The following ZNF664 variants were observed in gnomAD, a reference collection of about 807,000 sequenced individuals.
ZNF664 encodes zinc finger protein 664.
A neutral mutation model predicts 18.2 loss-of-function variants in ZNF664; 10 were observed. The observed-to-expected ratio is 0.55, with a 90% confidence interval of 0.34 to 0.93. The LOEUF (loss-of-function observed/expected upper bound fraction) is 0.93. Among genes scored for constraint, ZNF664 ranks in the 40% least tolerant of loss-of-function variants. The pLI is 0.02. For synonymous variants in ZNF664, 119 were observed against 104.2 expected, an observed-to-expected ratio of 1.14 and a Z score of -0.86; for missense variants, 193 against 319.0, an observed-to-expected ratio of 0.61 and a Z score of 3.01.
Position 124,013,166 on chromosome 12 carries a change from C to T in ZNF664, c.*236C>T, listed in dbSNP as rs369181014. The T allele has an allele frequency of 9.9e-5, 58 of 583,322 alleles. No homozygotes were observed. Among genetic ancestry groups the T allele is most frequent in the East Asian group, 3.6e-4 (11 of 30,312 alleles). 36.1% of individuals were successfully genotyped at this position (583,322 alleles called of 1,614,324 possible). A position where few individuals can be genotyped will look rare whatever the true frequency, so the allele number is the denominator to read the frequency against. On this transcript the variant is annotated 3_prime_UTR_variant, in exon 5 of 5. Coordinates refer to ENST00000337815, the MANE Select transcript of ZNF664 (RefSeq NM_152437.3). ...ATGGCTCTCAGGTCCCAGTCACAGACGTCGCTTCCTGGGATTCCAGCACGA... is the reference window on the plus strand; with the variant it reads ...ATGGCTCTCAGGTCCCAGTCACAGATGTCGCTTCCTGGGATTCCAGCACGA...
At chr12:123,989,732 T>C (rs566655567) in intron 3 of ZNF664, among the ~76,000 whole-genome samples, 92 of 152,306 alleles carry the variant, frequency 6.0e-4, no homozygotes, top group Middle Eastern at 6.8e-3. Flanking sequence ...ATAACATACA[T>C]TTTCAGAACA....
At chr12:124,004,807 G>T (rs1371467906) in intron 3 of ZNF664, 3 of 153,226 alleles carry the variant, frequency 2.0e-5, no homozygotes, top group Non-Finnish European at 4.4e-5. Context: ...TACACGCAAG[G>T]GATCTAGGTT....
chr12:123,979,696 T>C (rs1594541501), intron 2 of ZNF664, among the ~76,000 whole-genome samples: 1 of 152,210 alleles, frequency 6.6e-6, no homozygotes, highest in East Asian at 1.9e-4. Context: ...TGTTTTGTTT[T>C]GAGACAGGGT....
rs748430831 is a variant in ZNF664 at position 124,013,124 on chromosome 12, C to CT, written c.*195dup. The CT allele has an allele frequency of 5.1e-6, 4 of 788,882 alleles. No individual in the cohort carries two copies. The highest frequency in any genetic ancestry group is 1.8e-5 in the African/African-American group (1 of 56,400). 48.9% of individuals were successfully genotyped at this position (788,882 alleles called of 1,614,324 possible). A position where few individuals can be genotyped will look rare whatever the true frequency, so the allele number is the denominator to read the frequency against. ...ACAGGTTGACTTTGAATGTGGACCT[C>CT]TGAGCATCCACGCAGGATGGCTCTC... On this transcript the variant is annotated 3_prime_UTR_variant, in exon 5 of 5. Transcript: ENST00000337815.
chr12:123,973,585 C>T, intron 1 of ZNF664: 2 of 372,852 alleles, frequency 5.4e-6, no homozygotes, highest in Non-Finnish European at 7.5e-6. Context: ...CGGTCGGCCG[C>T]GGGCCCGCAG....
intron 3 of ZNF664, among the ~76,000 whole-genome samples, chr12:124,010,675 G>A (rs1003840208): frequency 2.6e-5 from 4 of 152,202 alleles, no homozygotes; most frequent in South Asian, 4.1e-4. Context: ...AGAGAGCAAC[G>A]CACACAGTTC....
rs1204629644 is a variant in ZNF664, at chr12:124,012,784, C to T, written c.640C>T (p.Leu214=). Residue 214 remains leucine (L), a synonymous_variant, in exon 5 of 5, where the codon CTG becomes TTG. Coordinates refer to ENST00000337815, the MANE Select transcript of ZNF664 (RefSeq NM_152437.3). The part of the protein sequence containing the change: ...CGKAFSQSSS[L]CIHQRVHTGE... ...GAAGGCCTTCAGTCAGAGTTCGAGCCTGTGCATCCACCAGAGAGTCCACAC... is the reference window on the plus strand; with the variant it reads ...GAAGGCCTTCAGTCAGAGTTCGAGCTTGTGCATCCACCAGAGAGTCCACAC... 2 of 1,612,836 alleles carry T rather than the reference C, an allele frequency of 1.2e-6. No individual in the cohort carries two copies. The highest frequency in any genetic ancestry group is 3.3e-5 in the Admixed American group (2 of 59,950).
intron 2 of ZNF664, among the ~76,000 whole-genome samples, chr12:123,982,823 T>C (rs2138342509): frequency 6.6e-6 from 1 of 152,238 alleles, no homozygotes; most frequent in Middle Eastern, 3.4e-3. Context: ...CAGGAGTGAA[T>C]CTTAGATTTA....
chr12:123,991,104 C>T (rs1380201249), intron 3 of ZNF664, among the ~76,000 whole-genome samples: 8 of 152,134 alleles, frequency 5.3e-5, no homozygotes, highest in Non-Finnish European at 4.4e-5. Context: ...GTTCTACCCA[C>T]CAAATTATTA....
chr12:124,002,922 C>T lies in ZNF664; in HGVS notation c.-660-8459C>T, dbSNP rs113507973. Among the ~76,000 whole-genome samples, 1,208 of 152,000 alleles carry T rather than the reference C, an allele frequency of 7.9e-3. 13 individuals carry two copies. The highest frequency in any genetic ancestry group is 0.027 in the African/African-American group (1,110 of 41,444). The stretch of plus-strand genomic sequence containing the variant: ...GTCCCAAGCAGGAGCCCTGAAGCAC[C>T]CCAGGATTTAGAAGTTGAACAGAAG... On this transcript the variant is annotated intron_variant, in intron 3 of 4. Coordinates refer to ENST00000337815, the MANE Select transcript of ZNF664 (RefSeq NM_152437.3).
intron 2 of ZNF664, 39 bp downstream of exon 2, chr12:123,974,059 C>T: frequency 9.6e-7 from 1 of 1,046,450 alleles, no homozygotes; most frequent in African/African-American, 1.7e-5. Flanking sequence ...CCCTCTGACT[C>T]CCGCCTCCGC....
rs541008757 is a variant in ZNF664 at position 124,011,973 on chromosome 12, G to A, written c.-172G>A. 228 of 1,426,726 alleles carry A rather than the reference G, an allele frequency of 1.6e-4. 1 individual carries two copies. Among genetic ancestry groups the A allele is most frequent in the South Asian group, 1.9e-4 (12 of 62,988 alleles). The allele number at this position is 1,426,726 out of a possible 1,614,324, so 88.4% of individuals were successfully genotyped here. On this transcript the variant is annotated 5_prime_UTR_variant, in exon 5 of 5. Transcript: ENST00000337815. ...AACACTATGCAGGAAGAAACCTTCC[G>A]TAGAAAGACAGGCAGGGAAAAGCTT... is the stretch of plus-strand genomic sequence containing the variant.
At chr12:123,984,073 G>A (rs143052097) in intron 2 of ZNF664, among the ~76,000 whole-genome samples, 1 of 152,210 alleles carries the variant, frequency 6.6e-6, no homozygotes, top group African/African-American at 2.4e-5. Flanking sequence ...TTGAAATGTG[G>A]ACTCCTAGCA....
chr12:123,983,184 A>C (rs892253465), intron 2 of ZNF664, among the ~76,000 whole-genome samples: 1 of 152,226 alleles, frequency 6.6e-6, no homozygotes, highest in Admixed American at 6.5e-5. Context: ...GTTGTGCTAC[A>C]GCTAATCCAT....
chr12:123,990,837 T>C lies in ZNF664; in HGVS notation c.-661+2699T>C, dbSNP rs924829910. On this transcript the variant is annotated intron_variant, in intron 3 of 4. Coordinates refer to ENST00000337815, the MANE Select transcript of ZNF664 (RefSeq NM_152437.3). ...GGTTTTCTTATGTTCTGTTGTTCTT[T>C]CTGTGCGTTGACTCTCTCTAGGTAT... 7.9e-5 allele frequency among the ~76,000 whole-genome samples: 12 copies of C among 152,326 alleles called. No homozygotes were observed. In the South Asian group the frequency reaches 1.0e-3, roughly 13 times the overall value.
intron 3 of ZNF664, chr12:123,998,332 T>C (rs919137886): frequency 5.3e-5 from 8 of 152,198 alleles, no homozygotes; most frequent in African/African-American, 1.9e-4. Flanking sequence ...AAGTCTCTGT[T>C]GGTCTTTATA....
At chr12:123,995,170 G>A (rs1025392123) in intron 3 of ZNF664, among the ~76,000 whole-genome samples, 3 of 152,234 alleles carry the variant, frequency 2.0e-5, no homozygotes, top group African/African-American at 7.2e-5. Context: ...GGCCCATTGT[G>A]TGTTTCATCA....
intron 3 of ZNF664, chr12:123,998,500 G>C (rs572097001): frequency 2.0e-5 from 3 of 152,540 alleles, no homozygotes; most frequent in Non-Finnish European, 4.4e-5. Flanking sequence ...CACTTTCTGG[G>C]GCTTGGCATC....
At chr12:123,988,981 C>T (rs909501479) in intron 3 of ZNF664, among the ~76,000 whole-genome samples, 5 of 152,168 alleles carry the variant, frequency 3.3e-5, no homozygotes, top group Non-Finnish European at 4.4e-5. Context: ...TAGCTGCTGG[C>T]TTCTGGGGGC....
Sources: allele counts gnomAD v4.1 joint callset (sites outside exome capture counted in the v4.1 genomes callset), GRCh38; gene constraint gnomAD v4.1.1; transcripts MANE v1.5; gene names NCBI Gene and HGNC (gene_info 2026-07-23, HGNC 2026-07-21).